The following NLGN4Y variants were observed in gnomAD, a reference collection of about 807,000 sequenced individuals.
The protein encoded by NLGN4Y is neuroligin 4 Y-linked.
In NLGN4Y, 4 loss-of-function variants were observed where a neutral mutation model predicts 8.4. The ratio of observed to expected loss-of-function variants is 0.48; its 90% CI spans 0.23 to 1.09. The LOEUF is 1.09. Among genes scored for constraint, NLGN4Y ranks in the 50% least tolerant of loss-of-function variants. NLGN4Y has a pLI of 0.19. For missense variants in NLGN4Y, 90 were observed against 192.3 expected (o/e 0.47, Z 3.15); for synonymous variants, 35 against 75.6 (o/e 0.46, Z 2.78).
At chrY:14,596,554 G>A (rs956719756) in intron 1 of NLGN4Y, among the ~76,000 whole-genome samples, 1 of 33,279 alleles carries the variant, frequency 3.0e-5, no homozygotes, top group Non-Finnish European at 7.4e-5. Flanking sequence ...TTGGGACCCC[G>A]GAGATGCATG....
chrY:14,698,958 G>A, intron 2 of NLGN4Y, among the ~76,000 whole-genome samples: 1 of 32,507 alleles, frequency 3.1e-5, no homozygotes, highest in Non-Finnish European at 7.6e-5. Context: ...TTAACTACAG[G>A]GTTATAGAAT....
chrY:14,599,977 A>G (rs2080420707), intron 1 of NLGN4Y, among the ~76,000 whole-genome samples: 2 of 32,699 alleles, frequency 6.1e-5, no homozygotes, highest in East Asian at 7.9e-4. Context: ...TTCTACACAC[A>G]CACACATGAA....
At chrY:14,730,596 A>G (rs933727925) in intron 4 of NLGN4Y, among the ~76,000 whole-genome samples, 15 of 31,503 alleles carry the variant, frequency 4.8e-4, no homozygotes, top group Admixed American at 4.4e-3. Context: ...TGTCTATTCC[A>G]CTCTGTATTC....
intron 2 of NLGN4Y, among the ~76,000 whole-genome samples, chrY:14,641,338 G>A (rs892943592): frequency 4.2e-4 from 14 of 33,254 alleles, no homozygotes; most frequent in Non-Finnish European, 3.7e-4. Context: ...GATATGCAAC[G>A]ACAAAGACAA....
At chrY:14,698,935 C>T in intron 2 of NLGN4Y, among the ~76,000 whole-genome samples, 6 of 32,900 alleles carry the variant, frequency 1.8e-4, no homozygotes, top group Admixed American at 5.6e-4. Flanking sequence ...CCATTGGATA[C>T]GATACATCCT....
chrY:14,620,630 C>T, intron 1 of NLGN4Y, among the ~76,000 whole-genome samples: 2 of 33,841 alleles, frequency 5.9e-5, no homozygotes, highest in African/African-American at 2.3e-4. Context: ...AAATGGATAA[C>T]TATTTTCTGA....
chrY:14,542,278 A>G (rs2080152353), intron 1 of NLGN4Y, among the ~76,000 whole-genome samples: 1 of 33,861 alleles, frequency 3.0e-5, no homozygotes, highest in African/African-American at 1.2e-4. Flanking sequence ...CCCCTAGTAC[A>G]GGAGCACACA....
intron 2 of NLGN4Y, chrY:14,640,422 A>G: frequency 1.3e-5 from 1 of 77,384 alleles, no homozygotes; most frequent in Non-Finnish European, 2.8e-5. Flanking sequence ...CCAAAAGGGA[A>G]CAGATGCCTC....
chrY:14,714,262 G>A (rs888785580), intron 2 of NLGN4Y, among the ~76,000 whole-genome samples: 4 of 33,100 alleles, frequency 1.2e-4, no homozygotes. Context: ...GACTTGTTTT[G>A]TTTTAGAGAC....
intron 4 of NLGN4Y, among the ~76,000 whole-genome samples, chrY:14,800,955 A>T: frequency 3.1e-5 from 1 of 32,174 alleles, no homozygotes; most frequent in South Asian, 6.7e-4. Flanking sequence ...AAAGACATTA[A>T]AATGCATATA....
intron 4 of NLGN4Y, among the ~76,000 whole-genome samples, chrY:14,788,069 G>A (rs750181598): frequency 6.0e-5 from 2 of 33,531 alleles, no homozygotes; most frequent in Admixed American, 5.4e-4. Context: ...CAAATTTCAC[G>A]TAAGCATATT....
intron 1 of NLGN4Y, among the ~76,000 whole-genome samples, chrY:14,597,098 G>A (rs1009099185): frequency 6.3e-5 from 2 of 31,638 alleles, no homozygotes; most frequent in Admixed American, 2.9e-4. Context: ...TCGTGGTCTC[G>A]CTGGCTCAGG....
chrY:14,765,693 C>A (rs2150571786), intron 4 of NLGN4Y, among the ~76,000 whole-genome samples: 3 of 33,377 alleles, frequency 9.0e-5, no homozygotes, highest in African/African-American at 3.5e-4. Context: ...GGTGATAAAT[C>A]CTCTTCAAGA....
intron 2 of NLGN4Y, among the ~76,000 whole-genome samples, chrY:14,714,460 C>G (rs1010403585): frequency 6.1e-5 from 2 of 32,761 alleles, no homozygotes; most frequent in African/African-American, 1.2e-4. Context: ...AAAATCTCAG[C>G]AGGAGGTTTT....
intron 4 of NLGN4Y, among the ~76,000 whole-genome samples, chrY:14,753,722 C>T (rs1024758615): frequency 7.4e-4 from 23 of 31,279 alleles, no homozygotes; most frequent in East Asian, 8.2e-4. Flanking sequence ...CACGCATTGC[C>T]GAAAATAGTC....
At chrY:14,524,963 C>T (rs772755607) in intron 1 of NLGN4Y, 1 of 117,103 alleles carries the variant, frequency 8.5e-6, no homozygotes, top group African/African-American at 9.6e-5. Context: ...CGGCGGGGGT[C>T]TAGTGAGCCG....
chrY:14,792,933 A>T lies in NLGN4Y; in HGVS notation c.686-31255A>T, dbSNP rs1160839865. Among the ~76,000 whole-genome samples the T allele has an allele frequency of 2.3e-4, 6 of 26,139 alleles. No homozygotes were observed. In the East Asian group the frequency reaches 4.7e-3, roughly 21 times the overall value. The allele number at this position is 26,139 out of a possible 37,273, so 70.1% of individuals were successfully genotyped here. Reference sequence around the variant, plus strand: ...AGGATTTAAGGAGAAATTTGGAGGCATATTCTCATATGGGAAAAATAGGAA... The same window carrying T: ...AGGATTTAAGGAGAAATTTGGAGGCTTATTCTCATATGGGAAAAATAGGAA... On this transcript the variant is annotated intron_variant, in intron 4 of 6. Transcript: ENST00000684976.
At chrY:14,548,754 T>C in intron 1 of NLGN4Y, among the ~76,000 whole-genome samples, 1 of 33,263 alleles carries the variant, frequency 3.0e-5, no homozygotes, top group Admixed American at 2.7e-4. Context: ...ATTGCCCTGC[T>C]TTAGGTAGCT....
At chrY:14,789,686 A>G in intron 4 of NLGN4Y, among the ~76,000 whole-genome samples, 2 of 33,921 alleles carry the variant, frequency 5.9e-5, no homozygotes, top group Non-Finnish European at 1.5e-4. Context: ...GTCCTTTTTA[A>G]TTTAAAAGAC....
Sources: gnomAD v4.1 joint callset for allele counts (sites outside exome capture counted in the v4.1 genomes callset) on GRCh38, gnomAD v4.1.1 for gene constraint, MANE v1.5 for transcripts, NCBI Gene and HGNC (gene_info 2026-07-23, HGNC 2026-07-21) for gene names.